Variants in PPP2R5A observed in about 807,000 individuals in gnomAD.
The protein encoded by PPP2R5A is serine/threonine-protein phosphatase 2A 56 kDa regulatory subunit alpha isoform.
Under a neutral mutation model 64.2 loss-of-function variants are expected in PPP2R5A, and 25 were observed. The ratio of observed to expected loss-of-function variants is 0.39; its 90% CI spans 0.28 to 0.54. PPP2R5A has a LOEUF of 0.54. PPP2R5A is among the 20% of genes least tolerant of loss of function. The probability of loss-of-function intolerance (pLI) is 0.67; values close to 1 mark genes in which losing one functional copy is unlikely to be tolerated. For missense variants in PPP2R5A, 425 were observed against 576.3 expected, an observed-to-expected ratio of 0.74 and a Z score of 2.69; for synonymous variants, 198 against 201.2, an observed-to-expected ratio of 0.98 and a Z score of 0.13.
chr1:212,307,665 G>T (rs1365325447), intron 1 of PPP2R5A, among the ~76,000 whole-genome samples: 1 of 152,074 alleles, frequency 6.6e-6, no homozygotes, highest in African/African-American at 2.4e-5. Flanking sequence ...GTACTTTATA[G>T]TTACATAATT....
chr1:212,327,749 T>G (rs1467205432), intron 1 of PPP2R5A, among the ~76,000 whole-genome samples: 1 of 152,086 alleles, frequency 6.6e-6, no homozygotes, highest in Non-Finnish European at 1.5e-5. Flanking sequence ...AGGCATTGTA[T>G]TAGATACTAG....
chr1:212,323,209 C>A (rs1292133269), intron 1 of PPP2R5A, among the ~76,000 whole-genome samples: 1 of 152,104 alleles, frequency 6.6e-6, no homozygotes, highest in East Asian at 1.9e-4. Context: ...GTGGTTGTAC[C>A]TTTTCCATTT....
intron 1 of PPP2R5A, chr1:212,302,234 T>G: frequency 2.6e-6 from 2 of 757,296 alleles, no homozygotes; most frequent in East Asian, 3.0e-5. Context: ...CAAATTATCT[T>G]ACTGTATTGT....
chr1:212,334,434 A>G (rs962255315), intron 3 of PPP2R5A, among the ~76,000 whole-genome samples: 1 of 151,934 alleles, frequency 6.6e-6, no homozygotes, highest in Non-Finnish European at 1.5e-5. Flanking sequence ...AGCTGCAACT[A>G]CAGATGTGTG....
intron 1 of PPP2R5A, chr1:212,299,750 C>T (rs1191134370): frequency 6.6e-6 from 1 of 151,968 alleles, no homozygotes; most frequent in Non-Finnish European, 1.5e-5. Flanking sequence ...CATAAAGTAG[C>T]AAATATGACA....
chr1:212,331,119 G>A (rs1364390654), intron 2 of PPP2R5A, among the ~76,000 whole-genome samples: 1 of 147,792 alleles, frequency 6.8e-6, no homozygotes, highest in East Asian at 2.0e-4. Context: ...AGTGGGCCAA[G>A]ATTGTGCCAC....
rs190934817 is a variant in PPP2R5A, at chr1:212,343,512, A to G, written c.573+1232A>G. On this transcript the variant is annotated intron_variant, in intron 4 of 12. Coordinates refer to ENST00000261461, the MANE Select transcript of PPP2R5A (RefSeq NM_006243.4). ...CATTCATAACTACCCTTGACCTCAT[A>G]TAAAGTATTCTGACCTGTTGCTGTG... 2.3e-3 allele frequency among the ~76,000 whole-genome samples: 358 copies of G among 152,344 alleles called. 2 individuals are homozygous for G. Among genetic ancestry groups the G allele is most frequent in the South Asian group, 6.0e-3 (29 of 4,830 alleles).
Position 212,314,991 on chromosome 1 carries a change from G to A in PPP2R5A, c.182-14144G>A, listed in dbSNP as rs992931266. 4.3e-4 allele frequency among the ~76,000 whole-genome samples: 65 copies of A among 152,178 alleles called. 1 individual carries two copies. The highest frequency in any genetic ancestry group is 5.9e-4 in the Admixed American group (9 of 15,270). ...CAAAGTGTTGGGATTACAGGCATAAGCCACCACGCCCAGCCTAATAATTGT... is the reference window on the plus strand; with the variant it reads ...CAAAGTGTTGGGATTACAGGCATAAACCACCACGCCCAGCCTAATAATTGT... On this transcript the variant is annotated intron_variant, in intron 1 of 12. Transcript: ENST00000261461.
At chr1:212,316,587 C>CTTTGACT (rs1553274661) in intron 1 of PPP2R5A, among the ~76,000 whole-genome samples, 1 of 36,670 alleles carries the variant, frequency 2.7e-5, no homozygotes, top group East Asian at 1.3e-3. Context: ...TTGTGGGTGA[C>CTTTGACT]TTTTTTTTTT....
In PPP2R5A at chr1:212,342,243, T is replaced by C. The variant is rs776766301; in HGVS notation, c.536T>C (p.Ile179Thr). ...GAGAGCCCTGATTTCCAGCCTAGCA[T>C]TGCAAAACGATACATTGATCAGAAA... ...FLESPDFQPS[I>T]AKRYIDQKFV... The change falls in exon 4 of 13, where the codon ATT becomes ACT. Residue 179 changes from isoleucine to threonine, a missense_variant. Ile to Thr is a moderately conservative substitution (Grantham distance 89). Coordinates refer to ENST00000261461, the MANE Select transcript of PPP2R5A (RefSeq NM_006243.4). 39 of 1,613,618 alleles carry C rather than the reference T, an allele frequency of 2.4e-5. No homozygotes were observed. The Middle Eastern group carries it at 4.9e-4, about 20-fold the overall frequency.
chr1:212,314,653 G>C (rs1177538833), intron 1 of PPP2R5A, among the ~76,000 whole-genome samples: 3 of 151,478 alleles, frequency 2.0e-5, no homozygotes, highest in African/African-American at 7.3e-5. Flanking sequence ...CACTTCCCGG[G>C]TTCAAGCGAT....
intron 8 of PPP2R5A, among the ~76,000 whole-genome samples, chr1:212,350,169 T>C (rs539266962): frequency 7.0e-4 from 107 of 152,342 alleles, no homozygotes; most frequent in Non-Finnish European, 4.7e-4. Context: ...GAAAAAATCA[T>C]ATACTTAGTA....
chr1:212,352,338 A>C (rs1028812199), intron 8 of PPP2R5A, among the ~76,000 whole-genome samples: 2 of 151,546 alleles, frequency 1.3e-5, no homozygotes, highest in African/African-American at 4.9e-5. Context: ...CCACATTGAC[A>C]TCTTTTTGGG....
intron 1 of PPP2R5A, among the ~76,000 whole-genome samples, chr1:212,314,225 C>G (rs553652968): frequency 6.6e-6 from 1 of 152,100 alleles, no homozygotes; most frequent in Non-Finnish European, 1.5e-5. Context: ...CAGCAACTAC[C>G]AGACATAAGA....
In PPP2R5A at chr1:212,309,394, G is replaced by T. The variant is rs1009236093; in HGVS notation, c.182-19741G>T. ...CTTGGGCCGCCGGAAGGTGGGTGACGTGCGGATCTTCTTTTTTTTGTGGCT... is the reference window on the plus strand; with the variant it reads ...CTTGGGCCGCCGGAAGGTGGGTGACTTGCGGATCTTCTTTTTTTTGTGGCT... On this transcript the variant is annotated intron_variant, in intron 1 of 12. Coordinates refer to ENST00000261461, the MANE Select transcript of PPP2R5A (RefSeq NM_006243.4). The T allele has an allele frequency of 2.6e-4, 380 of 1,449,198 alleles. 1 individual carries two copies. Among genetic ancestry groups the T allele is most frequent in the Admixed American group, 1.5e-3 (90 of 59,826 alleles). The allele number at this position is 1,449,198 out of a possible 1,614,324, so 89.8% of individuals were successfully genotyped here.
chr1:212,291,032 A>C (rs911422340), intron 1 of PPP2R5A, among the ~76,000 whole-genome samples: 1 of 152,176 alleles, frequency 6.6e-6, no homozygotes, highest in Non-Finnish European at 1.5e-5. Flanking sequence ...AAAGCTGGGG[A>C]TAAAGACTAG....
At chr1:212,313,042 A>G (rs1007598770) in intron 1 of PPP2R5A, among the ~76,000 whole-genome samples, 19 of 152,160 alleles carry the variant, frequency 1.2e-4, no homozygotes, top group African/African-American at 4.3e-4. Flanking sequence ...TTCCTATGCA[A>G]ATCCTAGCCA....
chr1:212,357,499 A>T (rs2102451067), intron 11 of PPP2R5A: 1 of 395,710 alleles, frequency 2.5e-6, no homozygotes, highest in East Asian at 4.8e-5. Flanking sequence ...ATGTCAATTT[A>T]TTTTTAAAAT....
At chr1:212,356,809 C>CCTGTGCTATAGTA (rs1230617697) in intron 9 of PPP2R5A, 133 bp downstream of exon 9, 2 of 1,276,014 alleles carry the variant, frequency 1.6e-6, no homozygotes. Context: ...TGGTAGAAGA[C>CCTGTGCTATAGTA]CTGTGCTATA....
Sources: gnomAD v4.1 joint callset for allele counts (sites outside exome capture counted in the v4.1 genomes callset) on GRCh38, gnomAD v4.1.1 for gene constraint, MANE v1.5 for transcripts, NCBI Gene and HGNC (gene_info 2026-07-23, HGNC 2026-07-21) for gene names.